Variants in UCK2 observed in about 807,000 individuals in gnomAD.
The protein encoded by UCK2 is cytidine monophosphokinase 2.
A neutral mutation model predicts 30.8 loss-of-function variants in UCK2; 6 were observed. The ratio of observed to expected loss-of-function variants is 0.19; its 90% CI spans 0.11 to 0.38. The LOEUF is 0.38. Among genes scored for constraint, UCK2 ranks in the 10% least tolerant of loss-of-function variants. The pLI, the probability that UCK2 is intolerant of heterozygous loss-of-function variation, is 1.00. For synonymous variants in UCK2, 125 were observed against 133.6 expected, an observed-to-expected ratio of 0.94 and a Z score of 0.45; for missense variants, 210 against 339.8, an observed-to-expected ratio of 0.62 and a Z score of 3.00.
At chr1:165,906,188 G>A (rs941498189) in intron 6 of UCK2, among the ~76,000 whole-genome samples, 3 of 152,154 alleles carry the variant, frequency 2.0e-5, no homozygotes, top group African/African-American at 7.2e-5. Flanking sequence ...ATGCACTTGT[G>A]CTTCTCTGGC....
chr1:165,834,557 T>G (rs1654142061), intron 1 of UCK2, among the ~76,000 whole-genome samples: 1 of 152,184 alleles, frequency 6.6e-6, no homozygotes, highest in Non-Finnish European at 1.5e-5. Flanking sequence ...CATTAGGCTT[T>G]CAGGCCTCAT....
chr1:165,854,606 TAAATAAATA>T (rs776533054), intron 1 of UCK2, among the ~76,000 whole-genome samples: 5 of 139,246 alleles, frequency 3.6e-5, no homozygotes, highest in South Asian at 2.5e-4. Flanking sequence ...TAAAAATAAA[TAAATAAATA>T]AATAAATAAA....
chr1:165,874,958 A>T (rs1036739071), intron 1 of UCK2, among the ~76,000 whole-genome samples: 10 of 151,260 alleles, frequency 6.6e-5, no homozygotes, highest in African/African-American at 2.4e-4. Context: ...TAGTATGATA[A>T]TGTAGTTTTG....
intron 4 of UCK2, among the ~76,000 whole-genome samples, chr1:165,901,716 A>C (rs1456637710): frequency 2.0e-5 from 3 of 152,188 alleles, no homozygotes; most frequent in Non-Finnish European, 4.4e-5. Context: ...GGCAGTTTTA[A>C]TTAAGAGAAT....
At chr1:165,832,309 C>G (rs1031704671) in intron 1 of UCK2, among the ~76,000 whole-genome samples, 1 of 152,140 alleles carries the variant, frequency 6.6e-6, no homozygotes. Context: ...ACTGCTTCTT[C>G]CCGTAGAGTA....
chr1:165,866,600 G>A (rs1655053612), intron 1 of UCK2, among the ~76,000 whole-genome samples: 1 of 152,144 alleles, frequency 6.6e-6, no homozygotes, highest in East Asian at 1.9e-4. Flanking sequence ...TTATACAACC[G>A]TCACCACCAT....
chr1:165,835,667 A>G lies in UCK2; in HGVS notation c.99+7735A>G, dbSNP rs151008083. Among the ~76,000 whole-genome samples the G allele has an allele frequency of 1.9e-3, 297 of 152,340 alleles. 3 individuals are homozygous for G. The Middle Eastern group carries it at 0.054, about 28-fold the overall frequency. The stretch of plus-strand genomic sequence containing the variant: ...CTATAATAATTTGACCTATTGTCAT[A>G]CATTTTAAAACATGTAGATGAACAA... On this transcript the variant is annotated intron_variant, in intron 1 of 6. Coordinates refer to ENST00000367879, the MANE Select transcript of UCK2 (RefSeq NM_012474.5).
intron 1 of UCK2, among the ~76,000 whole-genome samples, chr1:165,880,751 G>T (rs1343518425): frequency 6.6e-6 from 1 of 152,124 alleles, no homozygotes; most frequent in African/African-American, 2.4e-5. Context: ...GGGATACATT[G>T]CCCCTTGAAT....
chr1:165,844,779 GTGTT>G (rs542599285), intron 1 of UCK2, among the ~76,000 whole-genome samples: 1 of 151,940 alleles, frequency 6.6e-6, no homozygotes, highest in East Asian at 1.9e-4. Context: ...CAAAAGGACA[GTGTT>G]TGAATGAGCA....
chr1:165,878,411 G>T (rs1406946492), intron 1 of UCK2, among the ~76,000 whole-genome samples: 1 of 151,156 alleles, frequency 6.6e-6, no homozygotes, highest in Non-Finnish European at 1.5e-5. Flanking sequence ...GCTCACTGTA[G>T]TCTCCACCTT....
At chr1:165,864,805 G>A (rs1329215148) in intron 1 of UCK2, among the ~76,000 whole-genome samples, 1 of 149,302 alleles carries the variant, frequency 6.7e-6, no homozygotes, top group Non-Finnish European at 1.5e-5. Flanking sequence ...TTAGCCTCCT[G>A]AGTGTCCAGG....
At chr1:165,904,771 G>A (rs1287159379) in intron 5 of UCK2, among the ~76,000 whole-genome samples, 2 of 152,176 alleles carry the variant, frequency 1.3e-5, no homozygotes, top group East Asian at 3.8e-4. Flanking sequence ...AGAGTAAGAT[G>A]CCCACATGCT....
chr1:165,840,041 C>T (rs944998230), intron 1 of UCK2, among the ~76,000 whole-genome samples: 5 of 152,220 alleles, frequency 3.3e-5, no homozygotes, highest in African/African-American at 1.2e-4. Context: ...GCCTCAGCCT[C>T]CCAAGTAGCT....
At position 165,873,599 on chromosome 1, in the gene UCK2, C is replaced by T. The variant is rs78908184; in HGVS notation, c.100-16605C>T. Among the ~76,000 whole-genome samples, 818 of 152,234 alleles carry T rather than the reference C, an allele frequency of 5.4e-3. 14 individuals are homozygous for T. The highest frequency in any genetic ancestry group is 0.019 in the African/African-American group (784 of 41,524). ...CTTGCAGTGTGAAAACCCTTTCTCC[C>T]GTTGGGCTGTCGTAGTTCATCATCA... On this transcript the variant is annotated intron_variant, in intron 1 of 6. Transcript: ENST00000367879.
chr1:165,844,997 C>T (rs371673391), intron 1 of UCK2, among the ~76,000 whole-genome samples: 2 of 152,106 alleles, frequency 1.3e-5, no homozygotes, highest in African/African-American at 4.8e-5. Context: ...CTCAGTGAGC[C>T]AAGCTAGCAA....
intron 1 of UCK2, among the ~76,000 whole-genome samples, chr1:165,875,229 A>G (rs1655305892): frequency 6.6e-6 from 1 of 152,176 alleles, no homozygotes; most frequent in Non-Finnish European, 1.5e-5. Context: ...GCAGTTTAAA[A>G]CAAGGATGCC....
intron 1 of UCK2, among the ~76,000 whole-genome samples, chr1:165,882,801 G>A (rs1434240451): frequency 6.6e-5 from 10 of 152,072 alleles, no homozygotes; most frequent in Non-Finnish European, 1.2e-4. Context: ...GAATTTTGGG[G>A]GGACACATTC....
Position 165,911,575 on chromosome 1 carries a change from C to A in UCK2, c.*3752C>A, listed in dbSNP as rs1647860293. 1 of 152,096 alleles carries A rather than the reference C, an allele frequency of 6.6e-6. No homozygotes were observed. Among genetic ancestry groups the A allele is most frequent in the South Asian group, 2.1e-4 (1 of 4,822 alleles). 9.4% of individuals were successfully genotyped at this position (152,096 alleles called of 1,614,324 possible). ...TTATTGTTAGTGGTTACAAAGTGACCACATATTATGTACTTTGCTGTAAAT... is the reference window on the plus strand; with the variant it reads ...TTATTGTTAGTGGTTACAAAGTGACAACATATTATGTACTTTGCTGTAAAT... On this transcript the variant is annotated 3_prime_UTR_variant, in exon 7 of 7. Transcript: ENST00000367879.
At position 165,831,232 on chromosome 1, in the gene UCK2, C is replaced by T. The variant is rs111601804; in HGVS notation, c.99+3300C>T. Among the ~76,000 whole-genome samples, 176 of 152,140 alleles carry T rather than the reference C, an allele frequency of 1.2e-3. 1 individual carries two copies. Among genetic ancestry groups the T allele is most frequent in the African/African-American group, 4.2e-3 (175 of 41,492 alleles). ...TGGGCAACAGAGAGAGACCCCGTCT[C>T]TACGAAAAATTAAAAATTAGCCATG... On this transcript the variant is annotated intron_variant, in intron 1 of 6. Coordinates refer to ENST00000367879, the MANE Select transcript of UCK2 (RefSeq NM_012474.5).
Sources: allele counts gnomAD v4.1 joint callset (sites outside exome capture counted in the v4.1 genomes callset), GRCh38; gene constraint gnomAD v4.1.1; transcripts MANE v1.5; gene names NCBI Gene and HGNC (gene_info 2026-07-23, HGNC 2026-07-21).